MYT1L: variants seen among roughly 807,000 people sequenced by gnomAD.
MYT1L encodes the protein myelin transcription factor 1-like protein.
MYT1L carries 12 observed loss-of-function variants against 126.7 expected under a neutral mutation model. The ratio of observed to expected loss-of-function variants is 0.09; its 90% CI spans 0.06 to 0.15. The LOEUF (loss-of-function observed/expected upper bound fraction) is 0.15. MYT1L is among the 10% of genes least tolerant of loss of function. MYT1L has a pLI of 1.00. For missense variants in MYT1L, 979 were observed against 1,585.2 expected (o/e 0.62, Z 6.49); for synonymous variants, 541 against 604.2 (o/e 0.90, Z 1.53).
chr2:2,254,502 G>A (rs1268882257), intron 2 of MYT1L, among the ~76,000 whole-genome samples: 1 of 152,192 alleles, frequency 6.6e-6, no homozygotes, highest in Non-Finnish European at 1.5e-5. Context: ...CATTGCCGTG[G>A]TGGCCTCCAT....
intron 3 of MYT1L, among the ~76,000 whole-genome samples, chr2:2,170,268 T>G (rs1349469911): frequency 1.3e-5 from 2 of 152,218 alleles, no homozygotes; most frequent in Non-Finnish European, 2.9e-5. Flanking sequence ...GTCTTCACCA[T>G]GGGTTGACAA....
chr2:2,276,017 T>C lies in MYT1L; in HGVS notation c.-421+8387A>G, dbSNP rs13395819. Reference sequence around the variant, plus strand: ...ACCCTGCCTTGTGTTTGTTGCTTTATGGAGTTGTGTTTTTTTATTCATCTG... The same window carrying C: ...ACCCTGCCTTGTGTTTGTTGCTTTACGGAGTTGTGTTTTTTTATTCATCTG... On this transcript the variant is annotated intron_variant, in intron 2 of 24. Coordinates refer to ENST00000647738, the MANE Select transcript of MYT1L (RefSeq NM_001303052.2). Among the ~76,000 whole-genome samples, 519 of 152,288 alleles carry C rather than the reference T, an allele frequency of 3.4e-3. 2 individuals are homozygous for C. The highest frequency in any genetic ancestry group is 6.7e-3 in the Admixed American group (102 of 15,298).
At chr2:2,107,737 C>T (rs2078925018) in intron 3 of MYT1L, among the ~76,000 whole-genome samples, 1 of 152,128 alleles carries the variant, frequency 6.6e-6, no homozygotes, top group Admixed American at 6.5e-5. Context: ...TAATTTGTTG[C>T]TAGTTTAGAG....
At chr2:2,074,692 A>C (rs1217324025) in intron 3 of MYT1L, among the ~76,000 whole-genome samples, 1 of 152,170 alleles carries the variant, frequency 6.6e-6, no homozygotes, top group Non-Finnish European at 1.5e-5. Context: ...CCATGAGATT[A>C]AACAGTCCAG....
chr2:2,128,082 C>A (rs1025745303), intron 3 of MYT1L, among the ~76,000 whole-genome samples: 1 of 152,168 alleles, frequency 6.6e-6, no homozygotes, highest in Non-Finnish European at 1.5e-5. Flanking sequence ...CCTTTCCTGA[C>A]GTTAAGAAAG....
At chr2:2,009,498 C>T (rs1464214440) in intron 4 of MYT1L, among the ~76,000 whole-genome samples, 1 of 152,052 alleles carries the variant, frequency 6.6e-6, no homozygotes, top group Non-Finnish European at 1.5e-5. Flanking sequence ...TATTTTCCAG[C>T]TAGGTTATTA....
At chr2:2,249,857 G>A (rs2094601955) in intron 2 of MYT1L, among the ~76,000 whole-genome samples, 1 of 151,898 alleles carries the variant, frequency 6.6e-6, no homozygotes, top group Admixed American at 6.6e-5. Context: ...TTAAAAAATG[G>A]GCAAAAGATT....
chr2:2,299,708 C>T (rs758126280), intron 1 of MYT1L, among the ~76,000 whole-genome samples: 1 of 152,212 alleles, frequency 6.6e-6, no homozygotes, highest in Admixed American at 6.5e-5. Context: ...TTCTTCAGCT[C>T]TGCTTAGTGC....
intron 18 of MYT1L, among the ~76,000 whole-genome samples, chr2:1,876,516 C>T (rs150973334): frequency 2.0e-5 from 3 of 152,202 alleles, no homozygotes; most frequent in East Asian, 2.0e-4. Context: ...CCTGAGCCCG[C>T]GCCTACCCCT....
intron 3 of MYT1L, among the ~76,000 whole-genome samples, chr2:2,152,323 C>A (rs1364444511): frequency 6.6e-6 from 1 of 152,226 alleles, no homozygotes; most frequent in Non-Finnish European, 1.5e-5. Context: ...CTTTATCAGG[C>A]TACTCAGAAT....
intron 1 of MYT1L, among the ~76,000 whole-genome samples, chr2:2,302,733 A>G (rs565648433): frequency 2.0e-5 from 3 of 152,218 alleles, no homozygotes; most frequent in African/African-American, 7.2e-5. Context: ...CTTTTGTCTC[A>G]TTTAAAACTT....
At chr2:2,159,953 G>A (rs2087563438) in intron 3 of MYT1L, among the ~76,000 whole-genome samples, 1 of 152,096 alleles carries the variant, frequency 6.6e-6, no homozygotes, top group Non-Finnish European at 1.5e-5. Flanking sequence ...GCTCCAGGCT[G>A]GACACCCTGC....
chr2:2,291,625 T>C (rs2095601076), intron 1 of MYT1L, among the ~76,000 whole-genome samples: 1 of 152,162 alleles, frequency 6.6e-6, no homozygotes, highest in Non-Finnish European at 1.5e-5. Flanking sequence ...ACGCGGTGCG[T>C]GATGGGTTCT....
At chr2:2,219,982 ACAC>A (rs1463927722) in intron 2 of MYT1L, among the ~76,000 whole-genome samples, 1 of 152,072 alleles carries the variant, frequency 6.6e-6, no homozygotes, top group Admixed American at 6.5e-5. Flanking sequence ...TGAGCTAACA[ACAC>A]CACTCCAGGT....
intron 2 of MYT1L, among the ~76,000 whole-genome samples, chr2:2,176,387 T>C (rs148353442): frequency 6.6e-6 from 1 of 152,314 alleles, no homozygotes; most frequent in Non-Finnish European, 1.5e-5. Context: ...ATTTGGAACA[T>C]TGGAAAGTAT....
intron 21 of MYT1L, among the ~76,000 whole-genome samples, chr2:1,829,368 C>T (rs111657303): frequency 1.0e-3 from 2 of 1,962 alleles, no homozygotes; most frequent in Non-Finnish European, 2.2e-3. Context: ...CACCTGTGAA[C>T]TGACCCTCCC....
intron 8 of MYT1L, among the ~76,000 whole-genome samples, chr2:1,968,531 C>T (rs1008712296): frequency 4.6e-5 from 7 of 152,148 alleles, no homozygotes; most frequent in Non-Finnish European, 1.0e-4. Context: ...GAGTGGCTAC[C>T]GAATTACAAG....
At chr2:2,056,348 A>C (rs527890596) in intron 3 of MYT1L, among the ~76,000 whole-genome samples, 1 of 152,230 alleles carries the variant, frequency 6.6e-6, no homozygotes, top group South Asian at 2.1e-4. Flanking sequence ...TAATTGCTGG[A>C]GGTGAGACTA....
At chr2:1,820,556 G>C (rs2038377383) in intron 21 of MYT1L, among the ~76,000 whole-genome samples, 1 of 152,094 alleles carries the variant, frequency 6.6e-6, no homozygotes, top group Admixed American at 6.6e-5. Flanking sequence ...TGTTGTTGTT[G>C]TTGTTGTTGA....
Sources: gnomAD v4.1 joint callset for allele counts (sites outside exome capture counted in the v4.1 genomes callset) on GRCh38, gnomAD v4.1.1 for gene constraint, MANE v1.5 for transcripts, NCBI Gene and HGNC (gene_info 2026-07-23, HGNC 2026-07-21) for gene names.